Variants in SIPA1L3 observed in about 807,000 individuals in gnomAD.
SIPA1L3 encodes the protein signal-induced proliferation-associated 1-like protein 3.
SIPA1L3 carries 59 observed loss-of-function variants against 150.1 expected under a neutral mutation model. That is an observed-to-expected ratio of 0.39 (90% CI 0.32 to 0.49). SIPA1L3 has a LOEUF of 0.49. Among genes scored for constraint, SIPA1L3 ranks in the 20% least tolerant of loss-of-function variants. The pLI, the probability that SIPA1L3 is intolerant of heterozygous loss-of-function variation, is 0.86. For synonymous variants in SIPA1L3, 1,070 were observed against 1,077.6 expected (o/e 0.99, Z 0.14); for missense variants, 2,211 against 2,489.5 (o/e 0.89, Z 2.38).
intron 6 of SIPA1L3, among the ~76,000 whole-genome samples, chr19:38,105,782 G>C (rs1970609857): frequency 6.6e-6 from 1 of 152,216 alleles, no homozygotes; most frequent in Non-Finnish European, 1.5e-5. Context: ...TCCACAGTGT[G>C]AATTGACCAG....
At position 38,081,951 on chromosome 19, in the gene SIPA1L3, C is replaced by G. The variant is rs943464095; in HGVS notation, c.386C>G (p.Thr129Ser). The part of the protein sequence containing the change: ...SIQNGQPPTS[T>S]PASSGSKAFH... Reference sequence around the variant, plus strand: ...CAGAACGGACAGCCCCCCACCAGCACCCCGGCTTCCTCAGGGTCCAAAGCC... The same window carrying G: ...CAGAACGGACAGCCCCCCACCAGCAGCCCGGCTTCCTCAGGGTCCAAAGCC... The change falls in exon 3 of 22, where the codon ACC becomes AGC. Residue 129 changes from threonine to serine, a missense_variant. Thr to Ser is a moderately conservative substitution (Grantham distance 58, BLOSUM62 1). Around this residue, in one of 5 missense-constraint regions of SIPA1L3, gnomAD observed 587 missense variants for 534.5 expected, o/e 1.10. Transcript: ENST00000222345. 4 of 1,614,004 alleles carry G rather than the reference C, an allele frequency of 2.5e-6. No individual in the cohort carries two copies. The highest frequency in any genetic ancestry group is 3.4e-6 in the Non-Finnish European group (4 of 1,179,976).
chr19:37,954,614 T>TA (rs2046792895), intron 1 of SIPA1L3, among the ~76,000 whole-genome samples: 2 of 152,170 alleles, frequency 1.3e-5, no homozygotes, highest in South Asian at 4.1e-4. Flanking sequence ...CTGTATCTGT[T>TA]AAGTTTCCGT....
chr19:38,177,178 G>A lies in SIPA1L3; in HGVS notation c.4209-5341G>A, dbSNP rs980507676. Among the ~76,000 whole-genome samples, 5 of 151,662 alleles carry A rather than the reference G, an allele frequency of 3.3e-5. No homozygotes were observed. In the South Asian group the frequency reaches 8.3e-4, roughly 25 times the overall value. On this transcript the variant is annotated intron_variant, in intron 15 of 21. Coordinates refer to ENST00000222345, the MANE Select transcript of SIPA1L3 (RefSeq NM_015073.3). Reference sequence around the variant, plus strand: ...AGATCGAGACCACCCTGGCTAACACGGTGAAACCCCATCTCTACCAAAAAT... The same window carrying A: ...AGATCGAGACCACCCTGGCTAACACAGTGAAACCCCATCTCTACCAAAAAT...
chr19:38,028,084 TG>T (rs1288297240), intron 1 of SIPA1L3, among the ~76,000 whole-genome samples: 1 of 152,160 alleles, frequency 6.6e-6, no homozygotes, highest in Non-Finnish European at 1.5e-5. Flanking sequence ...GCCCAGCCTC[TG>T]CCGGTGCCCA....
chr19:37,910,930 T>C (rs562161322), intron 1 of SIPA1L3, among the ~76,000 whole-genome samples: 1 of 152,302 alleles, frequency 6.6e-6, no homozygotes, highest in East Asian at 1.9e-4. Flanking sequence ...ATTTTGGTCA[T>C]GACCTTTTGT....
chr19:38,102,592 G>GAAA (rs71179412), intron 6 of SIPA1L3, among the ~76,000 whole-genome samples: 12 of 66,850 alleles, frequency 1.8e-4, no homozygotes, highest in African/African-American at 5.3e-4. Flanking sequence ...CCCTGTCTCT[G>GAAA]AAAAAAAAAA....
intron 1 of SIPA1L3, among the ~76,000 whole-genome samples, chr19:37,969,420 C>T (rs1471670455): frequency 1.3e-5 from 2 of 151,452 alleles, no homozygotes; most frequent in Admixed American, 6.6e-5. Flanking sequence ...GGCATGGTGG[C>T]GGGTGCCTGT....
intron 2 of SIPA1L3, among the ~76,000 whole-genome samples, chr19:38,080,504 A>G (rs377536876): frequency 2.2e-4 from 33 of 152,366 alleles, no homozygotes; most frequent in African/African-American, 7.7e-4. Context: ...CGAACAAACC[A>G]GCTCACAAAA....
intron 1 of SIPA1L3, among the ~76,000 whole-genome samples, chr19:37,935,035 A>T (rs1263032157): frequency 6.6e-6 from 1 of 152,248 alleles, no homozygotes; most frequent in East Asian, 1.9e-4. Context: ...GCAGATGTCC[A>T]ACCTGTTTGG....
At position 37,928,259 on chromosome 19, in the gene SIPA1L3, G is replaced by A. The variant is rs984245314; in HGVS notation, c.-379+20901G>A. 2.0e-5 allele frequency among the ~76,000 whole-genome samples: 3 copies of A among 152,138 alleles called. No homozygotes were observed. In the South Asian group the frequency reaches 6.2e-4, roughly 31 times the overall value. On this transcript the variant is annotated intron_variant, in intron 1 of 21. Coordinates refer to ENST00000222345, the MANE Select transcript of SIPA1L3 (RefSeq NM_015073.3). ...GTATCTTAACTCTAAAGCTCTGTGT[G>A]CTACTGCAGTGGTTTTCAAACCCGA...
chr19:38,089,355 A>G (rs903020763), intron 4 of SIPA1L3, among the ~76,000 whole-genome samples: 1 of 152,064 alleles, frequency 6.6e-6, no homozygotes, highest in Non-Finnish European at 1.5e-5. Context: ...AAAGAAAAAA[A>G]AAATTAAATG....
intron 14 of SIPA1L3, among the ~76,000 whole-genome samples, 178 bp downstream of exon 14, chr19:38,162,549 C>T (rs1972116999): frequency 6.6e-6 from 1 of 152,226 alleles, no homozygotes; most frequent in Admixed American, 6.5e-5. Context: ...CCCTCATCAG[C>T]CAGGTCATCT....
At position 37,912,237 on chromosome 19, in the gene SIPA1L3, CA is replaced by C. The variant is rs34652077; in HGVS notation, c.-379+4891del. On this transcript the variant is annotated intron_variant, in intron 1 of 21. Transcript: ENST00000222345. ...GAGTGACAAGAGTGACACTCTGTCTCAAAAAAAAAAAAGTATAAAAAGTATC... is the reference window on the plus strand; with the variant it reads ...GAGTGACAAGAGTGACACTCTGTCTCAAAAAAAAAAAGTATAAAAAGTATC... Among the ~76,000 whole-genome samples, 73 of 144,742 alleles carry C rather than the reference CA, an allele frequency of 5.0e-4. 1 individual carries two copies. Among genetic ancestry groups the C allele is most frequent in the Middle Eastern group, 7.2e-3 (2 of 278 alleles). 95.0% of individuals were successfully genotyped at this position (144,742 alleles called of 152,430 possible).
intron 2 of SIPA1L3, among the ~76,000 whole-genome samples, chr19:38,069,482 C>T (rs1416076939): frequency 5.3e-5 from 8 of 152,104 alleles, no homozygotes; most frequent in African/African-American, 1.9e-4. Context: ...GATGTACAGC[C>T]TCTCCGAGCT....
intron 1 of SIPA1L3, among the ~76,000 whole-genome samples, chr19:37,908,986 A>G (rs953543604): frequency 6.6e-6 from 1 of 152,106 alleles, no homozygotes; most frequent in African/African-American, 2.4e-5. Flanking sequence ...TGGGCACCAT[A>G]AACTCAGCAT....
At chr19:38,158,624 G>C (rs1174110832) in intron 13 of SIPA1L3, among the ~76,000 whole-genome samples, 1 of 152,236 alleles carries the variant, frequency 6.6e-6, no homozygotes, top group African/African-American at 2.4e-5. Context: ...AGGACCAGGT[G>C]GGGACAGAGG....
intron 1 of SIPA1L3, among the ~76,000 whole-genome samples, chr19:37,930,620 G>C (rs962051338): frequency 2.0e-5 from 3 of 152,122 alleles, no homozygotes; most frequent in Non-Finnish European, 2.9e-5. Context: ...GATTGCAAAG[G>C]GCTGAGGAAT....
chr19:38,168,153 G>A (rs1448222119), intron 15 of SIPA1L3, among the ~76,000 whole-genome samples: 13 of 152,154 alleles, frequency 8.5e-5, no homozygotes, highest in African/African-American at 1.9e-4. Flanking sequence ...TTGGGAGGCC[G>A]AGGTGGGCGG....
At position 38,081,777 on chromosome 19, in the gene SIPA1L3, C is replaced by T. The variant is rs773096326; in HGVS notation, c.212C>T (p.Thr71Ile). 7.5e-6 allele frequency: 12 copies of T among 1,610,438 alleles called. No homozygotes were observed. The East Asian group carries it at 2.7e-4, about 36-fold the overall frequency. The change falls in exon 3 of 22, where the codon ACT becomes ATT. Residue 71 changes from threonine to isoleucine, a missense_variant. Thr to Ile is a moderately conservative substitution (Grantham distance 89). Coordinates refer to ENST00000222345, the MANE Select transcript of SIPA1L3 (RefSeq NM_015073.3). The part of the protein sequence containing the change: ...ATATTRPSPT[T>I]PAMPKMGVRA... Reference sequence around the variant, plus strand: ...GCCACCACCCGCCCCAGCCCCACCACTCCCGCAATGCCCAAGATGGGCGTG... The same window carrying T: ...GCCACCACCCGCCCCAGCCCCACCATTCCCGCAATGCCCAAGATGGGCGTG...
Sources: gnomAD v4.1 joint callset for allele counts (sites outside exome capture counted in the v4.1 genomes callset) on GRCh38, gnomAD v4.1.1 for gene constraint, gnomAD v4.1.1 regional missense constraint, MANE v1.5 for transcripts, NCBI Gene and HGNC (gene_info 2026-07-23, HGNC 2026-07-21) for gene names.